PLXDC2: variants seen among roughly 807,000 people sequenced by gnomAD.
The protein encoded by PLXDC2 is plexin domain-containing protein 2.
PLXDC2 carries 40 observed loss-of-function variants against 68.9 expected under a neutral mutation model. The observed-to-expected ratio is 0.58, with a 90% CI of 0.45 to 0.76. The LOEUF is 0.76. PLXDC2 is among the 30% of genes least tolerant of loss of function. The pLI, the probability that PLXDC2 is intolerant of heterozygous loss-of-function variation, is 0.00. For synonymous variants in PLXDC2, 243 were observed against 234.2 expected (o/e 1.04, Z -0.34); for missense variants, 644 against 661.9 (o/e 0.97, Z 0.30).
intron 1 of PLXDC2, among the ~76,000 whole-genome samples, chr10:19,901,205 CTGGATCAAA>C (rs1354298308): frequency 1.3e-5 from 2 of 152,026 alleles, no homozygotes; most frequent in Non-Finnish European, 2.9e-5. Context: ...AATGGGATTG[CTGGATCAAA>C]TGGTAGATCT....
chr10:20,269,323 A>C (rs1465260831), intron 13 of PLXDC2, among the ~76,000 whole-genome samples: 1 of 152,196 alleles, frequency 6.6e-6, no homozygotes, highest in Non-Finnish European at 1.5e-5. Flanking sequence ...AAGGCCAAAC[A>C]GCCACATAAG....
chr10:19,885,421 C>T (rs1411485218), intron 1 of PLXDC2, among the ~76,000 whole-genome samples: 1 of 152,226 alleles, frequency 6.6e-6, no homozygotes, highest in Admixed American at 6.5e-5. Context: ...GACATGAAGT[C>T]CTTGCCCGTG....
intron 2 of PLXDC2, among the ~76,000 whole-genome samples, chr10:20,037,483 A>G (rs531727466): frequency 1.3e-5 from 2 of 152,168 alleles, no homozygotes; most frequent in South Asian, 2.1e-4. Flanking sequence ...TACATTAGGT[A>G]TATCTCCTAA....
At chr10:19,955,904 C>A (rs1834062029) in intron 1 of PLXDC2, among the ~76,000 whole-genome samples, 1 of 152,046 alleles carries the variant, frequency 6.6e-6, no homozygotes, top group Non-Finnish European at 1.5e-5. Flanking sequence ...CGTGGTGAAA[C>A]CCCATCTCTA....
At chr10:19,919,568 G>C (rs1397219277) in intron 1 of PLXDC2, among the ~76,000 whole-genome samples, 2 of 152,198 alleles carry the variant, frequency 1.3e-5, no homozygotes, top group Admixed American at 6.5e-5. Context: ...GAAGCAAAAT[G>C]AATTCAGAGA....
chr10:20,028,621 T>G (rs1835447054), intron 2 of PLXDC2, among the ~76,000 whole-genome samples: 1 of 152,238 alleles, frequency 6.6e-6, no homozygotes, highest in African/African-American at 2.4e-5. Context: ...TCAGTTATAC[T>G]AAGTCCTTCA....
chr10:20,144,283 C>A (rs1043767650), intron 5 of PLXDC2, among the ~76,000 whole-genome samples: 1 of 152,064 alleles, frequency 6.6e-6, no homozygotes, highest in African/African-American at 2.4e-5. Context: ...CTACTTTTAT[C>A]TTATTTCTGA....
At chr10:19,844,909 G>C (rs934706211) in intron 1 of PLXDC2, among the ~76,000 whole-genome samples, 16 of 152,140 alleles carry the variant, frequency 1.1e-4, no homozygotes, top group African/African-American at 3.6e-4. Context: ...TGTCACTTAT[G>C]ATGGCCAAAA....
chr10:20,039,726 C>T (rs530177179), intron 2 of PLXDC2, among the ~76,000 whole-genome samples: 20 of 152,034 alleles, frequency 1.3e-4, no homozygotes, highest in Non-Finnish European at 2.4e-4. Flanking sequence ...AAGTAGTTTG[C>T]ATATAATGTG....
chr10:20,176,910 T>G, intron 7 of PLXDC2, 89 bp from the exon 8 acceptor site: 1 of 895,276 alleles, frequency 1.1e-6, no homozygotes, highest in Non-Finnish European at 1.7e-6. Flanking sequence ...TTGGGCTATA[T>G]GTATATAATT....
intron 12 of PLXDC2, among the ~76,000 whole-genome samples, chr10:20,243,705 A>G (rs999828763): frequency 8.8e-6 from 1 of 114,220 alleles, no homozygotes. Context: ...AGTTTAATAG[A>G]CAAAAAAAGC....
chr10:19,850,283 T>G (rs1589499842), intron 1 of PLXDC2, among the ~76,000 whole-genome samples: 1 of 152,042 alleles, frequency 6.6e-6, no homozygotes, highest in Non-Finnish European at 1.5e-5. Flanking sequence ...GATAGGTTTT[T>G]TTTTTTTTTT....
intron 4 of PLXDC2, among the ~76,000 whole-genome samples, chr10:20,073,533 G>A (rs1343342078): frequency 1.3e-5 from 2 of 152,046 alleles, no homozygotes; most frequent in African/African-American, 4.8e-5. Context: ...TATAAAAATA[G>A]AATCTTTGCC....
intron 1 of PLXDC2, among the ~76,000 whole-genome samples, chr10:19,958,701 G>C (rs1247169091): frequency 1.3e-5 from 2 of 152,120 alleles, no homozygotes; most frequent in East Asian, 3.9e-4. Flanking sequence ...GAATTTGTCT[G>C]GGGAAGGGAT....
intron 2 of PLXDC2, among the ~76,000 whole-genome samples, chr10:20,027,169 G>A (rs916926987): frequency 1.3e-5 from 2 of 151,270 alleles, no homozygotes; most frequent in Non-Finnish European, 2.9e-5. Context: ...GCTTTGCATG[G>A]CATAGTTATG....
At chr10:19,993,998 C>T (rs1278016482) in intron 1 of PLXDC2, among the ~76,000 whole-genome samples, 5 of 152,136 alleles carry the variant, frequency 3.3e-5, no homozygotes, top group African/African-American at 1.2e-4. Flanking sequence ...ATTCTCTGCT[C>T]ATCTTCTAGT....
intron 2 of PLXDC2, among the ~76,000 whole-genome samples, chr10:20,008,398 T>TA (rs1376717657): frequency 6.6e-6 from 1 of 151,928 alleles, no homozygotes; most frequent in African/African-American, 2.4e-5. Flanking sequence ...CTACTAAAAA[T>TA]ACAAAATTAG....
chr10:20,210,765 G>T (rs7912612), intron 9 of PLXDC2, among the ~76,000 whole-genome samples: 6,411 of 152,186 alleles, frequency 0.042, 444 homozygotes, highest in African/African-American at 0.15. Context: ...AGTGCAAGTT[G>T]CCAGTTGTCT....
chr10:20,274,556 C>T (rs577070258), intron 13 of PLXDC2, among the ~76,000 whole-genome samples: 1 of 152,288 alleles, frequency 6.6e-6, no homozygotes, highest in East Asian at 1.9e-4. Context: ...GCAACTTCCA[C>T]ACCAGGAAGA....
Sources: allele counts gnomAD v4.1 joint callset (sites outside exome capture counted in the v4.1 genomes callset), GRCh38; gene constraint gnomAD v4.1.1; transcripts MANE v1.5; gene names NCBI Gene and HGNC (gene_info 2026-07-23, HGNC 2026-07-21).